The following CCSER1 variants were observed in gnomAD, a reference collection of about 807,000 sequenced individuals.
The protein encoded by CCSER1 is coiled-coil serine rich protein 1.
In CCSER1, 41 loss-of-function variants were observed where a neutral mutation model predicts 82.0. The ratio of observed to expected loss-of-function variants is 0.50; its 90% CI spans 0.39 to 0.65. CCSER1 has a LOEUF of 0.65. Ranked by LOEUF, CCSER1 falls within the 30% of genes least tolerant of loss-of-function variation. CCSER1 has a pLI of 0.00. For synonymous variants in CCSER1, 414 were observed against 383.9 expected (o/e 1.08, Z -0.92); for missense variants, 1,119 against 1,064.2 (o/e 1.05, Z -0.72).
Position 91,559,517 on chromosome 4 carries a change from G to A in CCSER1, c.2218-39055G>A, listed in dbSNP as rs75842020. 2.4e-3 allele frequency among the ~76,000 whole-genome samples: 361 copies of A among 151,606 alleles called. 1 individual carries two copies. Among genetic ancestry groups the A allele is most frequent in the Non-Finnish European group, 3.7e-3 (252 of 67,636 alleles). Reference sequence around the variant, plus strand: ...TTGACACCTGCACTAACCAAAAGGGGTTTACTAATCCATCTGGCCATTTTT... The same window carrying A: ...TTGACACCTGCACTAACCAAAAGGGATTTACTAATCCATCTGGCCATTTTT... On this transcript the variant is annotated intron_variant, in intron 10 of 10. Transcript: ENST00000509176.
At chr4:91,596,619 G>A (rs1764593063) in intron 10 of CCSER1, among the ~76,000 whole-genome samples, 1 of 152,028 alleles carries the variant, frequency 6.6e-6, no homozygotes, top group African/African-American at 2.4e-5. Context: ...AGAAGAAAGT[G>A]AGCTAGACAA....
intron 1 of CCSER1, among the ~76,000 whole-genome samples, chr4:90,273,790 C>T (rs931896300): frequency 6.6e-6 from 1 of 152,104 alleles, no homozygotes; most frequent in Non-Finnish European, 1.5e-5. Flanking sequence ...ACCAGAACAA[C>T]ATGAGTAAGA....
At chr4:90,216,998 C>T (rs993920859) in intron 1 of CCSER1, among the ~76,000 whole-genome samples, 2 of 152,138 alleles carry the variant, frequency 1.3e-5, no homozygotes, top group East Asian at 1.9e-4. Flanking sequence ...TGATCTTTTA[C>T]GTCCTTGGTT....
intron 10 of CCSER1, among the ~76,000 whole-genome samples, chr4:91,336,692 T>A: frequency 6.6e-6 from 1 of 152,146 alleles, no homozygotes; most frequent in East Asian, 1.9e-4. Context: ...TATTGATATT[T>A]ATTCTAATTA....
In CCSER1 at chr4:90,308,960, G is replaced by A. The variant is rs770035676; in HGVS notation, c.676G>A (p.Ala226Thr). The change falls in exon 2 of 11, where the codon GCT becomes ACT. Residue 226 changes from alanine (A) to threonine (T), a missense_variant. Ala to Thr is a moderately conservative substitution (Grantham distance 58). Coordinates refer to ENST00000509176, the MANE Select transcript of CCSER1 (RefSeq NM_001145065.2). ...YQEREPVLVR[A>T]SPSCSVDVTE... ...AGAGAGAGAACCTGTATTAGTAAGA[G>A]CTTCGCCATCCTGTTCTGTGGATGT... 1.9e-6 allele frequency: 3 copies of A among 1,613,780 alleles called. 1 individual carries two copies. The South Asian group carries it at 3.3e-5, about 18-fold the overall frequency.
chr4:91,334,439 T>C (rs1380431022), intron 10 of CCSER1, among the ~76,000 whole-genome samples: 1 of 152,082 alleles, frequency 6.6e-6, no homozygotes. Flanking sequence ...CTGTATTTAC[T>C]ATGTGTCAAT....
At chr4:91,401,098 A>G (rs1752286998) in intron 10 of CCSER1, among the ~76,000 whole-genome samples, 1 of 151,842 alleles carries the variant, frequency 6.6e-6, no homozygotes, top group Non-Finnish European at 1.5e-5. Flanking sequence ...GATTACTATG[A>G]TCCAGATATT....
At chr4:90,336,718 G>A (rs1425046749) in intron 3 of CCSER1, among the ~76,000 whole-genome samples, 1 of 152,168 alleles carries the variant, frequency 6.6e-6, no homozygotes, top group Admixed American at 6.6e-5. Context: ...CAAGAAAGTA[G>A]CAATCCTGGT....
At chr4:90,819,565 G>T (rs17247544) in intron 8 of CCSER1, among the ~76,000 whole-genome samples, 90,248 of 151,980 alleles carry the variant, frequency 0.59, 26,922 homozygotes, top group East Asian at 0.65. Flanking sequence ...AAAGCATAAA[G>T]ACACTGAGAA....
intron 1 of CCSER1, among the ~76,000 whole-genome samples, chr4:90,294,847 ATTTT>A (rs1163231149): frequency 6.6e-6 from 1 of 151,856 alleles, no homozygotes; most frequent in African/African-American, 2.4e-5. Context: ...ATCCTTCAAG[ATTTT>A]TTTCAGGAAG....
At chr4:90,341,352 G>T (rs182105284) in intron 3 of CCSER1, among the ~76,000 whole-genome samples, 2 of 152,020 alleles carry the variant, frequency 1.3e-5, no homozygotes, top group Non-Finnish European at 2.9e-5. Context: ...ACATTAACTT[G>T]ACAATGTTTA....
At chr4:91,060,841 T>C (rs1384741729) in intron 9 of CCSER1, among the ~76,000 whole-genome samples, 1 of 152,078 alleles carries the variant, frequency 6.6e-6, no homozygotes, top group Admixed American at 6.6e-5. Flanking sequence ...GACCATAGTT[T>C]TTCACATATT....
At chr4:91,434,600 G>A (rs368315597) in intron 10 of CCSER1, among the ~76,000 whole-genome samples, 1 of 152,150 alleles carries the variant, frequency 6.6e-6, no homozygotes, top group Admixed American at 6.5e-5. Context: ...ATTATGCATA[G>A]TAAGAATATC....
chr4:91,223,783 T>C (rs1176502695), intron 10 of CCSER1, among the ~76,000 whole-genome samples: 2 of 152,078 alleles, frequency 1.3e-5, no homozygotes, highest in Non-Finnish European at 2.9e-5. Context: ...GACTGAGTTA[T>C]AGAGAAAATC....
At chr4:91,141,798 GC>G (rs1334828255) in intron 10 of CCSER1, among the ~76,000 whole-genome samples, 2 of 151,890 alleles carry the variant, frequency 1.3e-5, no homozygotes, top group Non-Finnish European at 2.9e-5. Flanking sequence ...GTTGTTTTTG[GC>G]CCTTTTAATA....
At chr4:90,229,504 C>T (rs1044810095) in intron 1 of CCSER1, among the ~76,000 whole-genome samples, 26 of 151,954 alleles carry the variant, frequency 1.7e-4, no homozygotes, top group East Asian at 1.2e-3. Flanking sequence ...TGATACCAGC[C>T]GCTGCAAAAT....
At chr4:90,402,890 GT>G (rs1033459504) in intron 4 of CCSER1, among the ~76,000 whole-genome samples, 14 of 152,278 alleles carry the variant, frequency 9.2e-5, no homozygotes, top group African/African-American at 3.4e-4. Context: ...ACTTTAAGGT[GT>G]AGGTTGCTTA....
At chr4:90,271,859 TATA>T (rs1467326992) in intron 1 of CCSER1, among the ~76,000 whole-genome samples, 265 of 30,502 alleles carry the variant, frequency 8.7e-3, no homozygotes, top group Non-Finnish European at 0.011. Context: ...TATATATATA[TATA>T]TTTTTTTTTT....
intron 1 of CCSER1, among the ~76,000 whole-genome samples, chr4:90,222,103 G>A (rs940125698): frequency 5.3e-5 from 8 of 152,190 alleles, no homozygotes; most frequent in East Asian, 1.9e-4. Context: ...AATGATTTCT[G>A]GGGTGGGGAT....
Sources: allele counts gnomAD v4.1 joint callset (sites outside exome capture counted in the v4.1 genomes callset), GRCh38; gene constraint gnomAD v4.1.1; transcripts MANE v1.5; gene names NCBI Gene and HGNC (gene_info 2026-07-23, HGNC 2026-07-21).